The following NEK6 variants were observed in gnomAD, a reference collection of about 807,000 sequenced individuals.
The protein encoded by NEK6 is NIMA related kinase 6.
NEK6 carries 27 observed loss-of-function variants against 43.5 expected under a neutral mutation model. That is an observed-to-expected ratio of 0.62 (90% CI 0.46 to 0.86). The LOEUF (loss-of-function observed/expected upper bound fraction) is 0.86. Ranked by LOEUF, NEK6 falls within the 40% of genes least tolerant of loss-of-function variation. The probability of loss-of-function intolerance (pLI) is 0.00; values close to 1 mark genes in which losing one functional copy is unlikely to be tolerated. For synonymous variants in NEK6, 167 were observed against 164.1 expected (o/e 1.02, Z -0.14); for missense variants, 318 against 414.4 (o/e 0.77, Z 2.02).
At chr9:124,314,595 A>G (rs1313464640) in intron 4 of NEK6, among the ~76,000 whole-genome samples, 3 of 151,388 alleles carry the variant, frequency 2.0e-5, no homozygotes, top group East Asian at 1.9e-4. Flanking sequence ...GGCTCAAGCA[A>G]TCCTCCCGCC....
rs1176126729 is a variant in NEK6 at position 124,351,500 on chromosome 9, G to GGTGA, written c.*558_*561dup. 6.6e-6 allele frequency: 1 copy of GGTGA among 152,476 alleles called. No homozygotes were observed. The highest frequency in any genetic ancestry group is 6.5e-5 in the Admixed American group (1 of 15,286). 9.4% of individuals were successfully genotyped at this position (152,476 alleles called of 1,614,324 possible). ...CATTTTTATCTACGTTTTATAACTT[G>GGTGA]GTGAGTGACGATGAGAGCCCTGCAC... On this transcript the variant is annotated 3_prime_UTR_variant, in exon 10 of 10. Coordinates refer to ENST00000320246, the MANE Select transcript of NEK6 (RefSeq NM_014397.6).
chr9:124,266,846 G>C (rs1831249996), intron 1 of NEK6, among the ~76,000 whole-genome samples: 1 of 152,216 alleles, frequency 6.6e-6, no homozygotes, highest in South Asian at 2.1e-4. Context: ...GGGCTGTATT[G>C]AGCTGAGCTG....
intron 1 of NEK6, chr9:124,293,006 G>A (rs1832499617): frequency 6.4e-7 from 1 of 1,561,280 alleles, no homozygotes; most frequent in Non-Finnish European, 8.7e-7. Context: ...GCCTGCCAAG[G>A]CCTCGAGGTG....
intron 1 of NEK6, among the ~76,000 whole-genome samples, chr9:124,284,063 T>G (rs1832042891): frequency 1.3e-5 from 2 of 152,226 alleles, no homozygotes; most frequent in South Asian, 4.1e-4. Flanking sequence ...AAATACCAGA[T>G]GTGGGCCAGG....
intron 1 of NEK6, chr9:124,258,324 T>C: frequency 1.0e-6 from 1 of 984,912 alleles, no homozygotes; most frequent in Middle Eastern, 5.2e-4. Context: ...CCGGCGGGTG[T>C]GCGTGTGCAC....
intron 1 of NEK6, among the ~76,000 whole-genome samples, chr9:124,293,836 C>A (rs1176276278): frequency 6.6e-6 from 1 of 152,236 alleles, no homozygotes; most frequent in Non-Finnish European, 1.5e-5. Flanking sequence ...GCAGAGGAGG[C>A]AGACATGCTG....
At chr9:124,313,678 G>A (rs534212216) in intron 3 of NEK6, among the ~76,000 whole-genome samples, 47 of 152,262 alleles carry the variant, frequency 3.1e-4, no homozygotes, top group African/African-American at 1.1e-3. Context: ...TCCATCTTCT[G>A]GGGAGGGGCT....
chr9:124,326,496 CTCA>C lies in NEK6; in HGVS notation c.514+60_514+62del. The C allele has an allele frequency of 1.6e-6, 2 of 1,271,504 alleles. No homozygotes were observed. The highest frequency in any genetic ancestry group is 2.3e-6 in the Non-Finnish European group (2 of 882,034). 78.8% of individuals were successfully genotyped at this position (1,271,504 alleles called of 1,614,324 possible). On this transcript the variant is annotated intron_variant, in intron 6 of 9. Transcript: ENST00000320246. This position sits in a 1 kb window ranked among gnomAD's most constrained non-coding sequence, Gnocchi z 4.5. Reference sequence around the variant, plus strand: ...CACCTGGAGCCCAGGAAGACACTTCCTCATGGCTCCTCCAGGGTCCTCAGGGGC... The same window carrying C: ...CACCTGGAGCCCAGGAAGACACTTCCTGGCTCCTCCAGGGTCCTCAGGGGC...
chr9:124,277,313 G>GC (rs1389355028), intron 1 of NEK6, among the ~76,000 whole-genome samples: 1 of 152,204 alleles, frequency 6.6e-6, no homozygotes, highest in East Asian at 1.9e-4. Context: ...AGGCATGGTG[G>GC]CACACGCCTG....
chr9:124,307,868 G>T lies in NEK6; in HGVS notation c.91-4641G>T, dbSNP rs1487071105. On this transcript the variant is annotated intron_variant, in intron 2 of 9. Coordinates refer to ENST00000320246, the MANE Select transcript of NEK6 (RefSeq NM_014397.6). ...CCCAAGGTTACCGCCAGCCGCCGAG[G>T]GGTGGGAACGGCAGGGTGATGATAT... is the stretch of plus-strand genomic sequence containing the variant. Among the ~76,000 whole-genome samples, 3 of 152,184 alleles carry T rather than the reference G, an allele frequency of 2.0e-5. No homozygotes were observed. The East Asian group carries it at 5.8e-4, about 29-fold the overall frequency.
At chr9:124,321,369 CG>C in intron 4 of NEK6, 89 bp from the exon 5 acceptor site, 1 of 765,560 alleles carries the variant, frequency 1.3e-6, no homozygotes, top group Non-Finnish European at 2.2e-6. Flanking sequence ...CCTCAGTGAC[CG>C]GGTGCCAGCA....
At chr9:124,262,804 G>T (rs900222619) in intron 1 of NEK6, 11 of 152,254 alleles carry the variant, frequency 7.2e-5, no homozygotes, top group South Asian at 2.1e-4. Flanking sequence ...GGGGCTTTAT[G>T]TAGGAATTCC....
At chr9:124,259,437 C>G (rs1830939689) in intron 1 of NEK6, 1 of 152,180 alleles carries the variant, frequency 6.6e-6, no homozygotes, top group South Asian at 2.1e-4. Flanking sequence ...CGAGTTTGGA[C>G]TCAGCGAGTT....
chr9:124,322,366 G>A (rs777361243), intron 5 of NEK6, among the ~76,000 whole-genome samples: 34 of 152,170 alleles, frequency 2.2e-4, no homozygotes, highest in Middle Eastern at 3.2e-3. Context: ...GGCACAGGGC[G>A]GAGTTCACCA....
intron 2 of NEK6, among the ~76,000 whole-genome samples, chr9:124,306,749 C>T (rs1278532933): frequency 6.6e-6 from 1 of 152,200 alleles, no homozygotes; most frequent in Admixed American, 6.5e-5. Flanking sequence ...CTGGGCTGGC[C>T]TCAGAAGAAG....
intron 7 of NEK6, among the ~76,000 whole-genome samples, chr9:124,333,034 G>C (rs927762728): frequency 2.0e-5 from 3 of 152,172 alleles, no homozygotes; most frequent in East Asian, 1.9e-4. Context: ...ACTGCACACA[G>C]AGGTCGTCCT....
At chr9:124,305,682 G>A (rs566395511) in intron 2 of NEK6, among the ~76,000 whole-genome samples, 2 of 152,218 alleles carry the variant, frequency 1.3e-5, no homozygotes, top group South Asian at 4.1e-4. Flanking sequence ...GGGGCTCCCA[G>A]TCTGCTGAGA....
At chr9:124,313,067 C>T (rs1055804135) in intron 3 of NEK6, among the ~76,000 whole-genome samples, 9 of 152,164 alleles carry the variant, frequency 5.9e-5, no homozygotes, top group Admixed American at 2.6e-4. Context: ...CTGCCTTCTG[C>T]GTCCCTCCTA....
Position 124,291,136 on chromosome 9 carries a change from TA to T in NEK6, c.-29-10798del, listed in dbSNP as rs1832399090. Among the ~76,000 whole-genome samples the T allele has an allele frequency of 2.6e-5, 4 of 152,202 alleles. No individual in the cohort carries two copies. The South Asian group carries it at 8.3e-4, about 31-fold the overall frequency. On this transcript the variant is annotated intron_variant, in intron 1 of 9. Transcript: ENST00000320246. The stretch of plus-strand genomic sequence containing the variant: ...CTCTTTCAACTCGTGCAATGTCATG[TA>T]ACCCACCAGCACCCCGGGCAGTAGA...
Sources: gnomAD v4.1 joint callset for allele counts (sites outside exome capture counted in the v4.1 genomes callset) on GRCh38, gnomAD v4.1.1 for gene constraint, Gnocchi (gnomAD v3.1) non-coding constraint, MANE v1.5 for transcripts, NCBI Gene and HGNC (gene_info 2026-07-23, HGNC 2026-07-21) for gene names.